EXOC4: variants seen among roughly 807,000 people sequenced by gnomAD.
EXOC4 encodes exocyst complex component 4, also known as SEC8-like 1.
EXOC4 carries 71 observed loss-of-function variants against 107.2 expected under a neutral mutation model. That is an observed-to-expected ratio of 0.66 (90% CI 0.55 to 0.81). The LOEUF (loss-of-function observed/expected upper bound fraction) is 0.81. Ranked by LOEUF, EXOC4 falls within the 30% of genes least tolerant of loss-of-function variation. The probability of loss-of-function intolerance (pLI) is 0.00; values close to 1 mark genes in which losing one functional copy is unlikely to be tolerated. For missense variants in EXOC4, 1,108 were observed against 1,189.6 expected, an observed-to-expected ratio of 0.93 and a Z score of 1.01; for synonymous variants, 456 against 441.2, an observed-to-expected ratio of 1.03 and a Z score of -0.42.
intron 7 of EXOC4, among the ~76,000 whole-genome samples, chr7:133,399,939 G>A (rs73724577): frequency 0.062 from 9,503 of 152,264 alleles, 1,028 homozygotes; most frequent in African/African-American, 0.22. Context: ...TGAGAGTTAA[G>A]TAGAGGTCAG....
intron 11 of EXOC4, among the ~76,000 whole-genome samples, chr7:133,823,327 T>G (rs745891394): frequency 2.0e-5 from 3 of 152,058 alleles, no homozygotes; most frequent in Non-Finnish European, 4.4e-5. Flanking sequence ...CGCTACCCAT[T>G]AGAATCACCC....
intron 13 of EXOC4, among the ~76,000 whole-genome samples, chr7:133,919,127 A>G (rs1250058688): frequency 6.6e-6 from 1 of 152,148 alleles, no homozygotes; most frequent in African/African-American, 2.4e-5. Context: ...CTTCCTGTTT[A>G]TGTTTTTCTT....
At chr7:133,684,320 A>T (rs765882320) in intron 10 of EXOC4, among the ~76,000 whole-genome samples, 43 of 152,332 alleles carry the variant, frequency 2.8e-4, no homozygotes, top group Middle Eastern at 3.4e-3. Context: ...TTTGTAAAAG[A>T]TTCAAAATTG....
chr7:133,600,552 A>C (rs940754048), intron 9 of EXOC4, among the ~76,000 whole-genome samples: 4 of 152,214 alleles, frequency 2.6e-5, no homozygotes, highest in African/African-American at 9.6e-5. Context: ...CGATGTTGCA[A>C]ATTTTCCAGA....
chr7:134,037,037 C>T (rs1350328050), intron 17 of EXOC4, among the ~76,000 whole-genome samples: 1 of 152,110 alleles, frequency 6.6e-6, no homozygotes, highest in African/African-American at 2.4e-5. Context: ...AGGATTCTAG[C>T]ACTTAGTTTC....
At chr7:134,063,871 C>G (rs997980254) in intron 17 of EXOC4, among the ~76,000 whole-genome samples, 1 of 152,000 alleles carries the variant, frequency 6.6e-6, no homozygotes, top group Non-Finnish European at 1.5e-5. Context: ...GAGCAGAAAA[C>G]CATGTACAGT....
At chr7:133,405,600 C>G (rs1797198619) in intron 7 of EXOC4, among the ~76,000 whole-genome samples, 1 of 152,062 alleles carries the variant, frequency 6.6e-6, no homozygotes, top group Non-Finnish European at 1.5e-5. Flanking sequence ...GTAGTCTTCC[C>G]TTATTTGTGG....
chr7:133,599,359 T>G (rs1368645937), intron 9 of EXOC4, among the ~76,000 whole-genome samples: 3 of 152,210 alleles, frequency 2.0e-5, no homozygotes, highest in Non-Finnish European at 2.9e-5. Flanking sequence ...CATTATCTTT[T>G]TGTCATAATG....
intron 9 of EXOC4, among the ~76,000 whole-genome samples, chr7:133,599,453 CT>C (rs1801755900): frequency 6.6e-6 from 1 of 152,178 alleles, no homozygotes; most frequent in Admixed American, 6.5e-5. Context: ...TTTTCTCAGC[CT>C]TCCCCTTAAC....
chr7:133,676,071 A>T (rs1025196619), intron 10 of EXOC4, among the ~76,000 whole-genome samples: 5 of 152,102 alleles, frequency 3.3e-5, no homozygotes, highest in Non-Finnish European at 5.9e-5. Context: ...AGTGCAACTC[A>T]GTCAAGCAGG....
At chr7:133,288,557 G>C (rs1794332786) in intron 2 of EXOC4, among the ~76,000 whole-genome samples, 1 of 152,120 alleles carries the variant, frequency 6.6e-6, no homozygotes, top group Non-Finnish European at 1.5e-5. Context: ...GCAAGCATTG[G>C]GGAAGGTATA....
chr7:133,624,325 G>T (rs1802402775), intron 9 of EXOC4, among the ~76,000 whole-genome samples: 1 of 152,002 alleles, frequency 6.6e-6, no homozygotes, highest in Non-Finnish European at 1.5e-5. Flanking sequence ...AGTAGGGCTG[G>T]GTACTCCCTA....
chr7:133,914,814 A>T (rs1360156454), intron 12 of EXOC4, among the ~76,000 whole-genome samples: 1 of 152,216 alleles, frequency 6.6e-6, no homozygotes, highest in Non-Finnish European at 1.5e-5. Flanking sequence ...AGCAGACCAC[A>T]TGAGGAAATA....
intron 8 of EXOC4, among the ~76,000 whole-genome samples, chr7:133,477,248 C>G (rs546372912): frequency 6.6e-6 from 1 of 152,234 alleles, no homozygotes; most frequent in South Asian, 2.1e-4. Context: ...GCATAAGTTC[C>G]CACCATTACA....
At chr7:133,463,210 C>G (rs1798636225) in intron 7 of EXOC4, among the ~76,000 whole-genome samples, 1 of 152,100 alleles carries the variant, frequency 6.6e-6, no homozygotes, top group African/African-American at 2.4e-5. Flanking sequence ...ATTTGGAGAA[C>G]AAGACTGAGA....
At chr7:134,040,761 A>G (rs1795496437) in intron 17 of EXOC4, among the ~76,000 whole-genome samples, 1 of 152,208 alleles carries the variant, frequency 6.6e-6, no homozygotes, top group African/African-American at 2.4e-5. Context: ...GTAATATTGC[A>G]TGTCAGCAAA....
chr7:133,479,191 G>A (rs1211764278), intron 8 of EXOC4: 1 of 152,054 alleles, frequency 6.6e-6, no homozygotes, highest in East Asian at 1.9e-4. Flanking sequence ...TTTGAAATGG[G>A]ATCTCTTATC....
chr7:133,581,973 G>T (rs973628133), intron 9 of EXOC4, among the ~76,000 whole-genome samples: 1 of 152,040 alleles, frequency 6.6e-6, no homozygotes, highest in African/African-American at 2.4e-5. Flanking sequence ...ATCAGGTCTC[G>T]TGAGAACTCC....
chr7:133,996,083 G>A (rs573495486), intron 14 of EXOC4, among the ~76,000 whole-genome samples: 2 of 152,272 alleles, frequency 1.3e-5, no homozygotes, highest in East Asian at 1.9e-4. Flanking sequence ...TAAGTATATG[G>A]TTGCTACAGC....
Sources: allele counts gnomAD v4.1 joint callset (sites outside exome capture counted in the v4.1 genomes callset), GRCh38; gene constraint gnomAD v4.1.1; transcripts MANE v1.5; gene names NCBI Gene and HGNC (gene_info 2026-07-23, HGNC 2026-07-21).